Variants in NAV2 observed in about 807,000 individuals in gnomAD.
NAV2 encodes helicase, APC down-regulated 1.
NAV2 carries 54 observed loss-of-function variants against 223.2 expected under a neutral mutation model. The ratio of observed to expected loss-of-function variants is 0.24; its 90% CI spans 0.19 to 0.30. NAV2 has a LOEUF of 0.30. Ranked by LOEUF, NAV2 falls within the 10% of genes least tolerant of loss-of-function variation. NAV2 has a pLI of 1.00. For synonymous variants in NAV2, 1,279 were observed against 1,239.3 expected (o/e 1.03, Z -0.67); for missense variants, 2,806 against 3,147.5 (o/e 0.89, Z 2.60).
chr11:19,662,994 T>C (rs112835914), intron 1 of NAV2, among the ~76,000 whole-genome samples: 1,784 of 152,276 alleles, frequency 0.012, 13 homozygotes, highest in South Asian at 0.029. Flanking sequence ...CAGTTCTTGA[T>C]TGGGGAGTGG....
chr11:19,673,938 A>G (rs969317443), intron 1 of NAV2, among the ~76,000 whole-genome samples: 6 of 152,040 alleles, frequency 3.9e-5, no homozygotes, highest in African/African-American at 1.4e-4. Flanking sequence ...TGTTTTTATG[A>G]CACTTCAGTG....
chr11:19,636,173 A>T (rs1387635872), intron 1 of NAV2, among the ~76,000 whole-genome samples: 1 of 152,192 alleles, frequency 6.6e-6, no homozygotes, highest in Non-Finnish European at 1.5e-5. Flanking sequence ...TTGTTGTCTT[A>T]ACATCTGTGT....
chr11:20,082,674 A>G, intron 25 of NAV2: 2 of 1,406,008 alleles, frequency 1.4e-6, no homozygotes, highest in Middle Eastern at 1.8e-4. Flanking sequence ...ATCCGCATCC[A>G]TCACCGTGTC....
At chr11:19,729,922 A>T (rs537676114) in intron 1 of NAV2, among the ~76,000 whole-genome samples, 1 of 152,314 alleles carries the variant, frequency 6.6e-6, no homozygotes, top group Admixed American at 6.5e-5. Flanking sequence ...TGTACTCAGC[A>T]CTTACTATGT....
chr11:19,734,193 A>G (rs1052201076), intron 1 of NAV2, among the ~76,000 whole-genome samples: 2 of 152,348 alleles, frequency 1.3e-5, no homozygotes, highest in East Asian at 3.9e-4. Flanking sequence ...TTGATCTTTT[A>G]TAGGAGCCAA....
chr11:20,105,050 C>G (rs116158139), intron 34 of NAV2: 1 of 153,814 alleles, frequency 6.5e-6, no homozygotes, highest in South Asian at 2.1e-4. Context: ...TAGGCTTCAT[C>G]ATATTTCATT....
chr11:20,081,923 C>A (rs548637322), intron 25 of NAV2, among the ~76,000 whole-genome samples: 38 of 152,054 alleles, frequency 2.5e-4, no homozygotes, highest in Non-Finnish European at 1.5e-4. Flanking sequence ...CATTTTAATT[C>A]TTTATGTTCT....
At chr11:19,782,460 G>A (rs1347027893) in intron 1 of NAV2, among the ~76,000 whole-genome samples, 1 of 152,118 alleles carries the variant, frequency 6.6e-6, no homozygotes, top group Non-Finnish European at 1.5e-5. Context: ...TGGTCCCTTT[G>A]GTGACCTGGC....
chr11:20,020,598 T>G (rs1038247472), intron 11 of NAV2, among the ~76,000 whole-genome samples: 3 of 152,244 alleles, frequency 2.0e-5, no homozygotes, highest in African/African-American at 7.2e-5. Flanking sequence ...GGTGTGATTC[T>G]TTTAACCATA....
chr11:20,048,647 C>T, intron 14 of NAV2, 81 bp from the exon 15 acceptor site: 1 of 1,198,506 alleles, frequency 8.3e-7, no homozygotes, highest in South Asian at 1.4e-5. Context: ...CTCACCAACT[C>T]CTCTGCCCTA....
At chr11:19,793,089 A>T (rs1681802783) in intron 1 of NAV2, among the ~76,000 whole-genome samples, 1 of 151,516 alleles carries the variant, frequency 6.6e-6, no homozygotes, top group Non-Finnish European at 1.5e-5. Flanking sequence ...GGCACCTGTA[A>T]TCCCAGCTAC....
chr11:19,615,251 G>A, intron 1 of NAV2, among the ~76,000 whole-genome samples: 1 of 151,536 alleles, frequency 6.6e-6, no homozygotes, highest in East Asian at 1.9e-4. Context: ...AATGACCAGA[G>A]TTTTTCACAC....
At chr11:20,014,220 C>T (rs2053820207) in intron 11 of NAV2, among the ~76,000 whole-genome samples, 2 of 152,212 alleles carry the variant, frequency 1.3e-5, no homozygotes, top group South Asian at 2.1e-4. Context: ...CTGTCCCTCT[C>T]CCTCATTATC....
At chr11:19,674,047 A>G (rs970673858) in intron 1 of NAV2, among the ~76,000 whole-genome samples, 1 of 152,184 alleles carries the variant, frequency 6.6e-6, no homozygotes, top group Non-Finnish European at 1.5e-5. Context: ...CTTGGAAAGC[A>G]GCGTGGGCCG....
At chr11:19,686,650 G>A (rs1413772051) in intron 1 of NAV2, among the ~76,000 whole-genome samples, 1 of 152,242 alleles carries the variant, frequency 6.6e-6, no homozygotes, top group Non-Finnish European at 1.5e-5. Context: ...GCCTGCCCAG[G>A]TGGGGAGGAC....
chr11:19,643,871 A>G (rs547970799), intron 1 of NAV2, among the ~76,000 whole-genome samples: 1 of 152,274 alleles, frequency 6.6e-6, no homozygotes, highest in South Asian at 2.1e-4. Flanking sequence ...CTGGTGTGAG[A>G]TGGTATCTCA....
chr11:19,841,606 T>TGAA (rs1394909391), intron 2 of NAV2, among the ~76,000 whole-genome samples: 1 of 152,146 alleles, frequency 6.6e-6, no homozygotes, highest in Non-Finnish European at 1.5e-5. Flanking sequence ...ATGTATTGGA[T>TGAA]GATTAAGAAC....
At chr11:19,499,977 TACAC>T (rs144399190) in intron 1 of NAV2, among the ~76,000 whole-genome samples, 1 of 151,572 alleles carries the variant, frequency 6.6e-6, no homozygotes, top group Non-Finnish European at 1.5e-5. Flanking sequence ...TATATATATA[TACAC>T]ACACACACAA....
At chr11:19,913,641 G>A (rs1328769937) in intron 6 of NAV2, among the ~76,000 whole-genome samples, 3 of 152,162 alleles carry the variant, frequency 2.0e-5, no homozygotes, top group Admixed American at 6.5e-5. Context: ...ATGAGACTTC[G>A]AGGCACAGAG....
Sources: allele counts gnomAD v4.1 joint callset (sites outside exome capture counted in the v4.1 genomes callset), GRCh38; gene constraint gnomAD v4.1.1; transcripts MANE v1.5; gene names NCBI Gene and HGNC (gene_info 2026-07-23, HGNC 2026-07-21).